TTC28: variants seen among roughly 807,000 people sequenced by gnomAD.
TTC28 encodes tetratricopeptide repeat domain 28.
TTC28 carries 61 observed loss-of-function variants against 198.0 expected under a neutral mutation model. The ratio of observed to expected loss-of-function variants is 0.31; its 90% confidence interval spans 0.25 to 0.38. TTC28 has a LOEUF of 0.38. Ranked by LOEUF, TTC28 falls within the 10% of genes least tolerant of loss-of-function variation. The pLI is 1.00. For synonymous variants in TTC28, 1,171 were observed against 1,297.8 expected (o/e 0.90, Z 2.10); for missense variants, 2,678 against 3,164.0 (o/e 0.85, Z 3.69).
intron 2 of TTC28, among the ~76,000 whole-genome samples, chr22:28,393,427 C>T (rs890784145): frequency 3.9e-5 from 6 of 152,078 alleles, no homozygotes; most frequent in Non-Finnish European, 7.4e-5. Flanking sequence ...TGCGGTGGCT[C>T]GTGCCTGTAA....
chr22:28,394,810 T>C (rs1342013439), intron 2 of TTC28, among the ~76,000 whole-genome samples: 1 of 152,164 alleles, frequency 6.6e-6, no homozygotes, highest in Non-Finnish European at 1.5e-5. Context: ...CAATAACGTA[T>C]GAATTTCAGC....
intron 12 of TTC28, among the ~76,000 whole-genome samples, chr22:28,070,953 C>T (rs1405483598): frequency 6.6e-6 from 1 of 152,176 alleles, no homozygotes; most frequent in Non-Finnish European, 1.5e-5. Flanking sequence ...TCCATTGCTA[C>T]TCGATTCAAC....
intron 2 of TTC28, among the ~76,000 whole-genome samples, chr22:28,339,420 T>C (rs996309072): frequency 1.3e-5 from 2 of 152,188 alleles, no homozygotes; most frequent in Admixed American, 6.5e-5. Context: ...TTCAAAGCTG[T>C]CAGACAGGGA....
At chr22:28,065,430 T>C (rs1222606968) in intron 12 of TTC28, among the ~76,000 whole-genome samples, 1 of 152,216 alleles carries the variant, frequency 6.6e-6, no homozygotes, top group African/African-American at 2.4e-5. Flanking sequence ...CTTTCCAGAC[T>C]GCTGTGCCAT....
intron 2 of TTC28, among the ~76,000 whole-genome samples, chr22:28,627,241 T>C (rs1294251240): frequency 6.6e-6 from 1 of 152,084 alleles, no homozygotes; most frequent in East Asian, 1.9e-4. Flanking sequence ...AGTTAAAAAT[T>C]ATCTCCAATC....
chr22:28,468,229 T>C (rs1385847630), intron 2 of TTC28, among the ~76,000 whole-genome samples: 1 of 152,200 alleles, frequency 6.6e-6, no homozygotes, highest in African/African-American at 2.4e-5. Flanking sequence ...AATGGATCCC[T>C]GCAGCACGTC....
At chr22:28,014,656 C>T (rs1391115449) in intron 13 of TTC28, among the ~76,000 whole-genome samples, 1 of 152,216 alleles carries the variant, frequency 6.6e-6, no homozygotes, top group Non-Finnish European at 1.5e-5. Flanking sequence ...AATCAAATGT[C>T]CCTAAGTGCT....
At chr22:28,217,040 A>G (rs1927462174) in intron 5 of TTC28, among the ~76,000 whole-genome samples, 1 of 152,138 alleles carries the variant, frequency 6.6e-6, no homozygotes, top group South Asian at 2.1e-4. Context: ...TAAACATTTC[A>G]TGTGATGAAA....
intron 2 of TTC28, among the ~76,000 whole-genome samples, chr22:28,349,993 G>A (rs559025468): frequency 9.9e-5 from 15 of 152,086 alleles, no homozygotes; most frequent in South Asian, 2.1e-4. Context: ...TACAAAACTC[G>A]CACAATTGTC....
chr22:27,983,652 G>A lies in TTC28; in HGVS notation c.6015C>T (p.Val2005=). ...LSSIASSMSF[V]SKPEGGSEGG... ...CCTCTGATCCACCCTCGGGTTTGGAGACAAAGCTCATTGAGGAGGCAATGG... is the reference window on the plus strand; with the variant it reads ...CCTCTGATCCACCCTCGGGTTTGGAAACAAAGCTCATTGAGGAGGCAATGG... Residue 2005 remains valine (V), a synonymous_variant, in exon 23 of 23, where the codon GTC becomes GTT. Transcript: ENST00000397906. 1 of 1,544,720 alleles carries A rather than the reference G, an allele frequency of 6.5e-7. No homozygotes were observed. Among genetic ancestry groups the A allele is most frequent in the Non-Finnish European group, 8.7e-7 (1 of 1,143,804 alleles).
At chr22:28,019,946 C>T (rs987456881) in intron 13 of TTC28, among the ~76,000 whole-genome samples, 1 of 152,236 alleles carries the variant, frequency 6.6e-6, no homozygotes, top group Non-Finnish European at 1.5e-5. Context: ...CCGGCACAGC[C>T]AGGCCTGCCA....
intron 12 of TTC28, among the ~76,000 whole-genome samples, chr22:28,053,680 T>G (rs531820480): frequency 3.7e-4 from 57 of 152,352 alleles, no homozygotes; most frequent in Non-Finnish European, 7.6e-4. Flanking sequence ...ACAGATCACC[T>G]GCCTTTGACT....
At chr22:28,027,814 G>A (rs558968653) in intron 13 of TTC28, among the ~76,000 whole-genome samples, 2 of 152,382 alleles carry the variant, frequency 1.3e-5, no homozygotes, top group Non-Finnish European at 2.9e-5. Context: ...GCAGGGACAG[G>A]CTGGCAGGGA....
rs560476630 is a variant in TTC28, at chr22:28,282,595, A to G, written c.933+13603T>C. ...TACTACATTGAGCAATCCAGCTCTA[A>G]CAATCATATAATCTGGTCTTCCTGT... On this transcript the variant is annotated intron_variant, in intron 5 of 22. Coordinates refer to ENST00000397906, the MANE Select transcript of TTC28 (RefSeq NM_001145418.2). 3.9e-5 allele frequency among the ~76,000 whole-genome samples: 6 copies of G among 152,328 alleles called. No homozygotes were observed. The South Asian group carries it at 1.2e-3, about 32-fold the overall frequency.
At chr22:28,288,147 C>T (rs904764135) in intron 5 of TTC28, among the ~76,000 whole-genome samples, 2 of 152,136 alleles carry the variant, frequency 1.3e-5, no homozygotes, top group Non-Finnish European at 2.9e-5. Flanking sequence ...CCATCAAGCA[C>T]TTTATATGAA....
intron 2 of TTC28, among the ~76,000 whole-genome samples, chr22:28,314,974 A>G (rs1042659952): frequency 6.6e-6 from 1 of 152,194 alleles, no homozygotes; most frequent in Non-Finnish European, 1.5e-5. Flanking sequence ...TTTGTTTGCA[A>G]TACAGTGTTT....
intron 5 of TTC28, among the ~76,000 whole-genome samples, chr22:28,234,728 A>C (rs1929102794): frequency 6.6e-6 from 1 of 152,120 alleles, no homozygotes; most frequent in Non-Finnish European, 1.5e-5. Context: ...GATCCCTTGG[A>C]GTGTTTATCT....
chr22:28,312,302 C>A (rs1331096318), intron 2 of TTC28, among the ~76,000 whole-genome samples: 1 of 151,762 alleles, frequency 6.6e-6, no homozygotes, highest in Non-Finnish European at 1.5e-5. Flanking sequence ...ATTAGAGCAA[C>A]GAGACAGAAA....
rs1029820312 is a variant in TTC28, at chr22:28,306,585, G to A, written c.440C>T (p.Ala147Val). 2.8e-5 allele frequency: 43 copies of A among 1,551,488 alleles called. No individual in the cohort carries two copies. The highest frequency in any genetic ancestry group is 4.1e-5 in the African/African-American group (3 of 73,038). ...TTGAGCCAGTCCAGATGCAAAGGCT[G>A]CCAGGGCATCGGCATGACGTCCAAG... The part of the protein sequence containing the change: ...QYLGRHADAL[A>V]AFASGLAQDP... Residue 147 changes from alanine to valine, a missense_variant, in exon 3 of 23, where the codon GCA becomes GTA. Physicochemically the swap from Ala to Val is moderately conservative, Grantham distance 64 (BLOSUM62 0). Coordinates refer to ENST00000397906, the MANE Select transcript of TTC28 (RefSeq NM_001145418.2).
Sources: gnomAD v4.1 joint callset for allele counts (sites outside exome capture counted in the v4.1 genomes callset) on GRCh38, gnomAD v4.1.1 for gene constraint, MANE v1.5 for transcripts, NCBI Gene and HGNC (gene_info 2026-07-23, HGNC 2026-07-21) for gene names.